Variants in LUC7L2 observed in about 807,000 individuals in gnomAD.
The protein encoded by LUC7L2 is putative RNA-binding protein Luc7-like 2.
In LUC7L2, 25 loss-of-function variants were observed where a neutral mutation model predicts 52.8. The ratio of observed to expected loss-of-function variants is 0.47; its 90% CI spans 0.34 to 0.66. The LOEUF (loss-of-function observed/expected upper bound fraction) is 0.66, where lower values mean the gene tolerates loss of function less well. LUC7L2 is among the 30% of genes least tolerant of loss of function. The pLI, the probability that LUC7L2 is intolerant of heterozygous loss-of-function variation, is 0.01. For missense variants in LUC7L2, 328 were observed against 497.8 expected, an observed-to-expected ratio of 0.66 and a Z score of 3.25; for synonymous variants, 144 against 160.9, an observed-to-expected ratio of 0.89 and a Z score of 0.80.
chr7:139,372,200 G>T (rs1800485967), intron 1 of LUC7L2, among the ~76,000 whole-genome samples: 1 of 151,814 alleles, frequency 6.6e-6, no homozygotes, highest in Non-Finnish European at 1.5e-5. Flanking sequence ...ATTTTTTGTT[G>T]TTGACAGAAG....
Position 139,415,792 on chromosome 7 carries a change from T to A in LUC7L2, c.810-1746T>A, listed in dbSNP as rs931048062. Among the ~76,000 whole-genome samples, 14 of 151,900 alleles carry A rather than the reference T, an allele frequency of 9.2e-5. No individual in the cohort carries two copies. In the East Asian group the frequency reaches 2.7e-3, roughly 29 times the overall value. ...TGCTGGGATTACAGACACAAGCTAT[T>A]GTGCCCAGCCAGAAATACTCTTTTT... is the stretch of plus-strand genomic sequence containing the variant. On this transcript the variant is annotated intron_variant, in intron 8 of 9. Transcript: ENST00000354926.
In LUC7L2 at chr7:139,353,161, T is replaced by G. The variant is rs1299636153; in HGVS notation, c.-26+12644T>G. Among the ~76,000 whole-genome samples the G allele has an allele frequency of 2.6e-5, 4 of 152,108 alleles. No individual in the cohort carries two copies. In the East Asian group the frequency reaches 7.7e-4, roughly 29 times the overall value. Reference sequence around the variant, plus strand: ...GCAGTGAGCCAAGATCCCGCCACTGTACTTCAGCCTGGGTGACAGAGCAAG... The same window carrying G: ...GCAGTGAGCCAAGATCCCGCCACTGGACTTCAGCCTGGGTGACAGAGCAAG... On this transcript the variant is annotated intron_variant, in intron 1 of 10. Coordinates refer to the LUC7L2 transcript ENST00000541170.
chr7:139,381,570 C>T (rs1801022960), intron 2 of LUC7L2, among the ~76,000 whole-genome samples: 5 of 148,660 alleles, frequency 3.4e-5, no homozygotes, highest in African/African-American at 7.5e-5. Flanking sequence ...CCACTAGGCT[C>T]GGCTAATTTT....
intron 1 of LUC7L2, among the ~76,000 whole-genome samples, chr7:139,347,720 G>A (rs781573665): frequency 1.3e-5 from 2 of 151,168 alleles, no homozygotes; most frequent in Non-Finnish European, 3.0e-5. Context: ...TACCTTTTTT[G>A]TTTTGTTTTG....
At chr7:139,419,696 C>T (rs1795798413) in intron 9 of LUC7L2, among the ~76,000 whole-genome samples, 1 of 152,102 alleles carries the variant, frequency 6.6e-6, no homozygotes, top group Admixed American at 6.5e-5. Flanking sequence ...TTATTTTAGT[C>T]CCTGATGCTT....
chr7:139,385,370 T>C (rs1794148949), intron 2 of LUC7L2, among the ~76,000 whole-genome samples: 1 of 149,280 alleles, frequency 6.7e-6, no homozygotes, highest in Non-Finnish European at 1.5e-5. Context: ...GCACCCAGGC[T>C]GGACTGCAGT....
intron 6 of LUC7L2, 83 bp downstream of exon 6, chr7:139,407,433 A>G (rs762396142): frequency 2.8e-5 from 40 of 1,436,178 alleles, no homozygotes; most frequent in South Asian, 2.0e-4. Context: ...ATTCTTGACT[A>G]TGATTCAGTA....
chr7:139,367,419 A>C (rs1331470080), intron 1 of LUC7L2, among the ~76,000 whole-genome samples: 1 of 152,256 alleles, frequency 6.6e-6, no homozygotes. Flanking sequence ...TGTATTATGT[A>C]ACTAGACTCT....
intron 1 of LUC7L2, among the ~76,000 whole-genome samples, chr7:139,341,683 G>C (rs1798979350): frequency 6.6e-6 from 1 of 152,100 alleles, no homozygotes; most frequent in Admixed American, 6.6e-5. Context: ...TAGGCTCCAT[G>C]CTCTGGCATA....
At chr7:139,400,211 G>T (rs7799165) in intron 3 of LUC7L2, among the ~76,000 whole-genome samples, 58,303 of 151,856 alleles carry the variant, frequency 0.38, 15,589 homozygotes, top group African/African-American at 0.76. Context: ...GTGGTGGCTC[G>T]TAATCCCAGC....
At chr7:139,409,478 A>C in intron 6 of LUC7L2, 85 bp from the exon 7 acceptor site, 2 of 1,482,874 alleles carry the variant, frequency 1.3e-6, no homozygotes, top group East Asian at 5.0e-5. Context: ...GTACTGTATT[A>C]GAAACCAGAT....
chr7:139,372,113 G>A (rs2131204790), intron 1 of LUC7L2, among the ~76,000 whole-genome samples: 1 of 152,310 alleles, frequency 6.6e-6, no homozygotes, highest in African/African-American at 2.4e-5. Flanking sequence ...ACTTGGCTGT[G>A]TAGTTAAGTA....
At chr7:139,363,545 A>G (rs1400868051) in intron 1 of LUC7L2, among the ~76,000 whole-genome samples, 1 of 152,256 alleles carries the variant, frequency 6.6e-6, no homozygotes, top group Non-Finnish European at 1.5e-5. Context: ...AGAAATGTTG[A>G]AAAATAAATA....
chr7:139,368,077 T>G (rs1800256685), intron 1 of LUC7L2, among the ~76,000 whole-genome samples: 1 of 152,254 alleles, frequency 6.6e-6, no homozygotes, highest in African/African-American at 2.4e-5. Flanking sequence ...ACAATTTAAT[T>G]TACTCCATTG....
At chr7:139,340,642 A>G (rs927338402) in intron 1 of LUC7L2, 2 of 396,552 alleles carry the variant, frequency 5.0e-6, no homozygotes, top group Admixed American at 4.4e-5. Context: ...TGAAGTGACG[A>G]TGACGTACCA....
Position 139,360,190 on chromosome 7 carries a change from C to T in LUC7L2, c.-72C>T, listed in dbSNP as rs545895274. On this transcript the variant is annotated 5_prime_UTR_variant, in exon 1 of 10. Coordinates refer to ENST00000354926, the MANE Select transcript of LUC7L2 (RefSeq NM_016019.5). Reference sequence around the variant, plus strand: ...AGCAGCGCACCTTCCCCCATCCCTTCCCCTTATCCCCCAGCCCAAAAGGGC... The same window carrying T: ...AGCAGCGCACCTTCCCCCATCCCTTTCCCTTATCCCCCAGCCCAAAAGGGC... 8.5e-5 allele frequency: 102 copies of T among 1,197,602 alleles called. No homozygotes were observed. The African/African-American group carries it at 1.4e-3, about 17-fold the overall frequency. The allele number at this position is 1,197,602 out of a possible 1,614,324, so 74.2% of individuals were successfully genotyped here.
At chr7:139,352,081 G>A (rs1298017307) in intron 1 of LUC7L2, among the ~76,000 whole-genome samples, 2 of 152,124 alleles carry the variant, frequency 1.3e-5, no homozygotes, top group African/African-American at 4.8e-5. Flanking sequence ...CATAGTCCCA[G>A]CTACTCAGGA....
chr7:139,371,049 T>A (rs1414243353), intron 1 of LUC7L2, among the ~76,000 whole-genome samples: 5 of 152,216 alleles, frequency 3.3e-5, no homozygotes, highest in African/African-American at 1.2e-4. Flanking sequence ...CCAAGCCCAC[T>A]GTGACACGTG....
intron 1 of LUC7L2, chr7:139,374,497 G>A: frequency 6.5e-7 from 1 of 1,550,328 alleles, no homozygotes; most frequent in Non-Finnish European, 8.7e-7. Context: ...CTTTTCAGAT[G>A]TGTTAATGAA....
Sources: allele counts gnomAD v4.1 joint callset (sites outside exome capture counted in the v4.1 genomes callset), GRCh38; gene constraint gnomAD v4.1.1; transcripts MANE v1.5; gene names NCBI Gene and HGNC (gene_info 2026-07-23, HGNC 2026-07-21).